The following COL15A1 variants were observed in gnomAD, a reference collection of about 807,000 sequenced individuals.
The protein encoded by COL15A1 is collagen alpha-1(XV) chain.
A neutral mutation model predicts 165.9 loss-of-function variants in COL15A1; 111 were observed. That is an observed-to-expected ratio of 0.67 (90% confidence interval 0.57 to 0.78). COL15A1 has a LOEUF of 0.78. Ranked by LOEUF, COL15A1 falls within the 30% of genes least tolerant of loss-of-function variation. COL15A1 has a pLI of 0.00. For missense variants in COL15A1, 1,745 were observed against 1,789.7 expected (o/e 0.98, Z 0.45); for synonymous variants, 659 against 674.8 (o/e 0.98, Z 0.36).
chr9:99,002,116 C>T (rs986741138), intron 7 of COL15A1, among the ~76,000 whole-genome samples: 19 of 143,522 alleles, frequency 1.3e-4, no homozygotes, highest in African/African-American at 4.8e-4. Context: ...TCCTCCTTCC[C>T]TCCTCTCTCC....
chr9:99,069,468 T>C (rs2118029847), intron 41 of COL15A1, among the ~76,000 whole-genome samples: 1 of 151,832 alleles, frequency 6.6e-6, no homozygotes, highest in East Asian at 1.9e-4. Context: ...AAGAAGAGGG[T>C]GTGATTTGAA....
intron 12 of COL15A1, 104 bp from the exon 13 acceptor site, chr9:99,021,986 TC>T (rs1839035947): frequency 1.1e-5 from 16 of 1,482,992 alleles, no homozygotes; most frequent in Non-Finnish European, 1.5e-5. Context: ...CATTTTTCTT[TC>T]CTGTGTGATC....
chr9:98,980,536 C>T (rs542390968), intron 2 of COL15A1, among the ~76,000 whole-genome samples: 1 of 152,146 alleles, frequency 6.6e-6, no homozygotes. Flanking sequence ...GGGGCTGTGT[C>T]AGGCATGTCA....
Position 99,034,590 on chromosome 9 carries a change from A to ATTT in COL15A1, c.2079+6_2079+7insTTT. 1.3e-6 allele frequency: 1 copy of ATTT among 790,864 alleles called. No homozygotes were observed. The highest frequency in any genetic ancestry group is 3.0e-5 in the African/African-American group (1 of 32,908). The allele number at this position is 790,864 out of a possible 1,614,324, so 49.0% of individuals were successfully genotyped here. A position where few individuals can be genotyped will look rare whatever the true frequency, so the allele number is the denominator to read the frequency against. On this transcript the variant is annotated splice_region_variant and intron_variant, in intron 17 of 41. Coordinates refer to ENST00000375001, the MANE Select transcript of COL15A1 (RefSeq NM_001855.5). ...ATGGCTCAGTTGGTGAAAAGGTAAA[A>ATTT]AAAAAAAAAAAAAAAAAAAAAAAAG... is the stretch of plus-strand genomic sequence containing the variant.
At chr9:99,042,729 T>C (rs1381587877) in intron 24 of COL15A1, among the ~76,000 whole-genome samples, 1 of 152,252 alleles carries the variant, frequency 6.6e-6, no homozygotes, top group Non-Finnish European at 1.5e-5. Flanking sequence ...GTCCAAAGTC[T>C]CTGGAATAAA....
intron 16 of COL15A1, among the ~76,000 whole-genome samples, chr9:99,028,079 C>A (rs1839157380): frequency 6.6e-6 from 1 of 152,210 alleles, no homozygotes; most frequent in South Asian, 2.1e-4. Flanking sequence ...CAGTGCCTTG[C>A]ACCGTTGGAT....
intron 9 of COL15A1, among the ~76,000 whole-genome samples, chr9:99,007,137 A>C (rs1838776643): frequency 6.8e-6 from 1 of 146,136 alleles, no homozygotes; most frequent in South Asian, 2.1e-4. Flanking sequence ...AAACGCTTGC[A>C]TTCTTTCAAG....
chr9:99,026,445 C>G (rs1236319409), intron 16 of COL15A1, among the ~76,000 whole-genome samples: 1 of 152,214 alleles, frequency 6.6e-6, no homozygotes, highest in African/African-American at 2.4e-5. Flanking sequence ...GTAGCAGGCT[C>G]TCGTCAGCCC....
At chr9:99,042,422 T>G (rs1326747534) in intron 24 of COL15A1, among the ~76,000 whole-genome samples, 1 of 152,284 alleles carries the variant, frequency 6.6e-6, no homozygotes, top group East Asian at 1.9e-4. Context: ...ACGAAGTGGG[T>G]AGTGAAATTG....
intron 2 of COL15A1, among the ~76,000 whole-genome samples, chr9:98,979,850 G>C (rs1197080379): frequency 6.6e-6 from 1 of 152,112 alleles, no homozygotes; most frequent in Non-Finnish European, 1.5e-5. Flanking sequence ...CCTTAGTTTA[G>C]TGTTTTCTAA....
intron 11 of COL15A1, among the ~76,000 whole-genome samples, chr9:99,016,484 C>T (rs1203279533): frequency 6.6e-6 from 1 of 152,152 alleles, no homozygotes; most frequent in Non-Finnish European, 1.5e-5. Flanking sequence ...ACCTCCAAGT[C>T]CCTGCCAACA....
At position 99,035,230 on chromosome 9, in the gene COL15A1, T is replaced by C. The variant is rs982062156; in HGVS notation, c.2220+76T>C. 8.2e-6 allele frequency: 13 copies of C among 1,582,716 alleles called. No homozygotes were observed. The African/African-American group carries it at 1.6e-4, about 20-fold the overall frequency. On this transcript the variant is annotated intron_variant, in intron 18 of 41. Coordinates refer to ENST00000375001, the MANE Select transcript of COL15A1 (RefSeq NM_001855.5). ...CTAGAAAGACCAGCTAGCTAAACCC[T>C]GGTCTCAGGGCAGAGGCTGTGCGGA...
intron 9 of COL15A1, among the ~76,000 whole-genome samples, chr9:99,007,784 AT>A (rs1469974348): frequency 1.3e-5 from 2 of 152,214 alleles, no homozygotes; most frequent in African/African-American, 4.8e-5. Flanking sequence ...GCATGGCTTA[AT>A]TTTAGTGATT....
intron 35 of COL15A1, among the ~76,000 whole-genome samples, chr9:99,058,982 G>T (rs1825769695): frequency 6.6e-6 from 1 of 152,186 alleles, no homozygotes. Context: ...CGGGGGTAGG[G>T]TGAGCAGAGG....
chr9:99,031,012 C>T (rs897673507), intron 16 of COL15A1, among the ~76,000 whole-genome samples: 1 of 152,170 alleles, frequency 6.6e-6, no homozygotes, highest in African/African-American at 2.4e-5. Flanking sequence ...GTGAGGCTGG[C>T]CAGCAGGGAG....
intron 15 of COL15A1, among the ~76,000 whole-genome samples, 155 bp from the exon 16 acceptor site, chr9:99,025,749 T>G (rs1057183750): frequency 2.6e-5 from 4 of 152,184 alleles, no homozygotes; most frequent in Non-Finnish European, 5.9e-5. Flanking sequence ...TGACCCAGCC[T>G]GGGCCAAGGA....
At chr9:98,992,451 C>T (rs559798015) in intron 5 of COL15A1, among the ~76,000 whole-genome samples, 27 of 152,310 alleles carry the variant, frequency 1.8e-4, no homozygotes, top group East Asian at 1.7e-3. Flanking sequence ...GGCCCGCAAG[C>T]GCTGCACGCA....
At chr9:99,068,717 AG>A in intron 41 of COL15A1, 47 bp downstream of exon 41, 2 of 1,132,346 alleles carry the variant, frequency 1.8e-6, no homozygotes, top group South Asian at 1.5e-5. Context: ...AGATAGTTTT[AG>A]GGGGCATCCT....
At chr9:98,967,272 C>T (rs191907469) in intron 2 of COL15A1, among the ~76,000 whole-genome samples, 89 of 152,294 alleles carry the variant, frequency 5.8e-4, no homozygotes, top group Admixed American at 1.4e-3. Flanking sequence ...ACCTGGCCAC[C>T]GCAGTCCCCT....
Sources: allele counts gnomAD v4.1 joint callset (sites outside exome capture counted in the v4.1 genomes callset), GRCh38; gene constraint gnomAD v4.1.1; transcripts MANE v1.5; gene names NCBI Gene and HGNC (gene_info 2026-07-23, HGNC 2026-07-21).